The following SORCS2 variants were observed in gnomAD, a reference collection of about 807,000 sequenced individuals.
SORCS2 encodes VPS10 domain-containing receptor SorCS2.
Under a neutral mutation model 141.6 loss-of-function variants are expected in SORCS2, and 100 were observed. That is an observed-to-expected ratio of 0.71 (90% CI 0.60 to 0.83). The LOEUF (loss-of-function observed/expected upper bound fraction) is 0.83. SORCS2 is among the 40% of genes least tolerant of loss of function. The probability of loss-of-function intolerance (pLI) is 0.00; values close to 1 mark genes in which losing one functional copy is unlikely to be tolerated. For synonymous variants in SORCS2, 789 were observed against 676.9 expected, an observed-to-expected ratio of 1.17 and a Z score of -2.57; for missense variants, 1,646 against 1,560.2, an observed-to-expected ratio of 1.05 and a Z score of -0.93.
chr4:7,700,914 T>C (rs533768876), intron 12 of SORCS2, among the ~76,000 whole-genome samples: 35 of 152,348 alleles, frequency 2.3e-4, no homozygotes, highest in African/African-American at 8.4e-4. Context: ...AGTCACCAGC[T>C]GTGTGGCTTC....
At chr4:7,711,080 G>C (rs1450852503) in intron 14 of SORCS2, among the ~76,000 whole-genome samples, 3 of 152,152 alleles carry the variant, frequency 2.0e-5, no homozygotes, top group Non-Finnish European at 2.9e-5. Flanking sequence ...CAGGGTCCCT[G>C]GGGGGAAGGT....
chr4:7,300,646 A>C (rs1390624918), intron 1 of SORCS2, among the ~76,000 whole-genome samples: 1 of 152,206 alleles, frequency 6.6e-6, no homozygotes, highest in East Asian at 1.9e-4. Flanking sequence ...TGGGGCAGAG[A>C]GTGGAGAAAG....
intron 2 of SORCS2, among the ~76,000 whole-genome samples, chr4:7,469,098 T>G (rs6832237): frequency 0.67 from 100,896 of 151,458 alleles, 34,036 homozygotes; most frequent in Non-Finnish European, 0.73. Context: ...TGAGGCTGGC[T>G]GTGATGGTGG....
At position 7,444,043 on chromosome 4, in the gene SORCS2, G is replaced by T. The variant is rs114758912; in HGVS notation, c.548+47688G>T. Among the ~76,000 whole-genome samples the T allele has an allele frequency of 9.7e-3, 1,471 of 152,368 alleles. 25 individuals are homozygous for T. The highest frequency in any genetic ancestry group is 0.034 in the African/African-American group (1,397 of 41,580). On this transcript the variant is annotated intron_variant, in intron 2 of 26. Coordinates refer to ENST00000507866, the MANE Select transcript of SORCS2 (RefSeq NM_020777.3). ...TCTTATCCCCACAGGTGAAGGTTGA[G>T]GGCTGGTGAAATAGGCAGAATCTCT...
At chr4:7,597,608 T>C (rs1036067542) in intron 3 of SORCS2, among the ~76,000 whole-genome samples, 2 of 94,460 alleles carry the variant, frequency 2.1e-5, no homozygotes, top group African/African-American at 8.7e-5. Flanking sequence ...CTTTTGCAAC[T>C]GGGGCAGGTG....
At chr4:7,264,332 G>T (rs149714750) in intron 1 of SORCS2, among the ~76,000 whole-genome samples, 1 of 152,320 alleles carries the variant, frequency 6.6e-6, no homozygotes, top group Non-Finnish European at 1.5e-5. Flanking sequence ...TGCAGTGAGG[G>T]GTTGGATGCC....
chr4:7,505,423 G>A (rs1577670304), intron 2 of SORCS2, among the ~76,000 whole-genome samples: 1 of 152,026 alleles, frequency 6.6e-6, no homozygotes, highest in South Asian at 2.1e-4. Context: ...CTCAGTCCCC[G>A]CATCAGGAGA....
intron 12 of SORCS2, among the ~76,000 whole-genome samples, chr4:7,699,150 T>C (rs1388572224): frequency 6.6e-6 from 1 of 152,064 alleles, no homozygotes; most frequent in Non-Finnish European, 1.5e-5. Context: ...ACTCAGTGTG[T>C]GGGGGAGGCA....
At chr4:7,550,983 C>T (rs1713654684) in intron 3 of SORCS2, among the ~76,000 whole-genome samples, 1 of 152,196 alleles carries the variant, frequency 6.6e-6, no homozygotes, top group Non-Finnish European at 1.5e-5. Flanking sequence ...ATTTCAAAGC[C>T]AGGCTTGGTT....
At position 7,264,394 on chromosome 4, in the gene SORCS2, G is replaced by A. The variant is rs894931399; in HGVS notation, c.480+71268G>A. 3.3e-5 allele frequency among the ~76,000 whole-genome samples: 5 copies of A among 152,280 alleles called. No individual in the cohort carries two copies. In the East Asian group the frequency reaches 9.7e-4, roughly 29 times the overall value. On this transcript the variant is annotated intron_variant, in intron 1 of 26. Transcript: ENST00000507866. ...CTGCTTGTCCAGGGGCATGGGATGA[G>A]TGACTGCAGGTGTGGGCATCTGTCC...
rs534384008 is a variant in SORCS2, at chr4:7,509,892, A to T, written c.549-21638A>T. On this transcript the variant is annotated intron_variant, in intron 2 of 26. Coordinates refer to ENST00000507866, the MANE Select transcript of SORCS2 (RefSeq NM_020777.3). ...CCTTTGCCCCAGCTGTCCAAATCAC[A>T]AGCTCCACAGGCAGCTGCTTCAGGG... 2.9e-4 allele frequency among the ~76,000 whole-genome samples: 44 copies of T among 152,260 alleles called. No homozygotes were observed. In the South Asian group the frequency reaches 8.9e-3, roughly 31 times the overall value.
At chr4:7,683,788 C>G (rs1262526311) in intron 10 of SORCS2, among the ~76,000 whole-genome samples, 1 of 152,188 alleles carries the variant, frequency 6.6e-6, no homozygotes, top group African/African-American at 2.4e-5. Flanking sequence ...GGGCACCTTT[C>G]TACATGAATA....
At chr4:7,439,188 A>G (rs1198438979) in intron 2 of SORCS2, among the ~76,000 whole-genome samples, 1 of 152,020 alleles carries the variant, frequency 6.6e-6, no homozygotes, top group Non-Finnish European at 1.5e-5. Flanking sequence ...GAGTTTGTAT[A>G]TATATATATA....
intron 1 of SORCS2, among the ~76,000 whole-genome samples, chr4:7,339,994 G>A (rs573621275): frequency 3.9e-5 from 6 of 152,304 alleles, no homozygotes; most frequent in Non-Finnish European, 8.8e-5. Context: ...GAGAGGCTGG[G>A]GGCTTGTCCG....
chr4:7,737,434 A>T (rs956724703), intron 26 of SORCS2, among the ~76,000 whole-genome samples: 68 of 152,060 alleles, frequency 4.5e-4, no homozygotes, highest in African/African-American at 1.6e-3. Flanking sequence ...CAATGACCAA[A>T]AGCCCCCGAC....
chr4:7,623,861 G>T (rs887820221), intron 3 of SORCS2, among the ~76,000 whole-genome samples: 4 of 152,126 alleles, frequency 2.6e-5, no homozygotes, highest in Admixed American at 1.3e-4. Context: ...GTTCATGCAG[G>T]TTCAATGGAG....
intron 3 of SORCS2, among the ~76,000 whole-genome samples, chr4:7,549,014 A>G (rs950814931): frequency 6.6e-6 from 1 of 151,978 alleles, no homozygotes; most frequent in African/African-American, 2.4e-5. Context: ...TCCATAGAAC[A>G]TAGGGTGGGG....
In SORCS2 at chr4:7,557,200, C is replaced by A. The variant is rs188897300; in HGVS notation, c.648+25571C>A. ...TTGAATTTACCTTTGTTCAGTCAAC[C>A]AAGAAAGTGCCCAAGGTCTTTTCCT... On this transcript the variant is annotated intron_variant, in intron 3 of 26. Coordinates refer to ENST00000507866, the MANE Select transcript of SORCS2 (RefSeq NM_020777.3). Among the ~76,000 whole-genome samples the A allele has an allele frequency of 1.4e-3, 207 of 152,248 alleles. 2 individuals carry two copies. The highest frequency in any genetic ancestry group is 4.8e-3 in the African/African-American group (199 of 41,524).
Position 7,533,077 on chromosome 4 carries a change from A to G in SORCS2, c.648+1448A>G, listed in dbSNP as rs991308222. 3.3e-5 allele frequency among the ~76,000 whole-genome samples: 5 copies of G among 152,086 alleles called. No homozygotes were observed. The East Asian group carries it at 7.8e-4, about 24-fold the overall frequency. On this transcript the variant is annotated intron_variant, in intron 3 of 26. Coordinates refer to ENST00000507866, the MANE Select transcript of SORCS2 (RefSeq NM_020777.3). ...TCTCTTTCCATCCCACAGCAGCCCA[A>G]AGAGGGAGGCATCATTATCCCCCTT...
Sources: gnomAD v4.1 joint callset for allele counts (sites outside exome capture counted in the v4.1 genomes callset) on GRCh38, gnomAD v4.1.1 for gene constraint, MANE v1.5 for transcripts, NCBI Gene and HGNC (gene_info 2026-07-23, HGNC 2026-07-21) for gene names.